The following L3MBTL4 variants were observed in gnomAD, a reference collection of about 807,000 sequenced individuals.
L3MBTL4 encodes the protein L3MBTL histone methyl-lysine binding protein 4, also known as lethal(3)malignant brain tumor-like protein 4.
In L3MBTL4, 70 loss-of-function variants were observed where a neutral mutation model predicts 84.5. The ratio of observed to expected loss-of-function variants is 0.83; its 90% CI spans 0.68 to 1.01. The LOEUF is 1.01. Ranked by LOEUF, L3MBTL4 falls within the 50% of genes least tolerant of loss-of-function variation. The pLI is 0.00. For missense variants in L3MBTL4, 715 were observed against 754.8 expected (o/e 0.95, Z 0.62); for synonymous variants, 274 against 259.8 (o/e 1.05, Z -0.52).
chr18:6,030,949 A>C, intron 16 of L3MBTL4: 1 of 984,854 alleles, frequency 1.0e-6, no homozygotes, highest in Non-Finnish European at 1.2e-6. Context: ...GTTATGAAAT[A>C]CTCAATGAAC....
chr18:5,982,948 C>T (rs1432059530), intron 16 of L3MBTL4, among the ~76,000 whole-genome samples: 1 of 152,132 alleles, frequency 6.6e-6, no homozygotes, highest in Admixed American at 6.5e-5. Flanking sequence ...TCAGAAATGC[C>T]AGTAACAACC....
chr18:5,968,306 AC>A (rs2144775466), intron 17 of L3MBTL4, among the ~76,000 whole-genome samples: 1 of 152,352 alleles, frequency 6.6e-6, no homozygotes, highest in African/African-American at 2.4e-5. Flanking sequence ...CAAAGGAATT[AC>A]AGGTAAGTGG....
intron 14 of L3MBTL4, 39 bp from the exon 15 acceptor site, chr18:6,093,567 C>A (rs770669047): frequency 1.3e-6 from 2 of 1,536,194 alleles, no homozygotes; most frequent in African/African-American, 1.4e-5. Flanking sequence ...CATCAGTATA[C>A]AGTGATAAAT....
rs1246711098 is a variant in L3MBTL4 at position 6,311,572 on chromosome 18, C to T, written c.54G>A (p.Leu18=). 5 of 1,613,312 alleles carry T rather than the reference C, an allele frequency of 3.1e-6. No homozygotes were observed. In the African/African-American group the frequency reaches 4.0e-5, roughly 13 times the overall value. ...ATCTTACCAAGCGTCCGTCCTGATC[C>T]AAACGCTCTTTGGAATCCATATTAA... ...RKLNMDSKER[L]DQDGRLEQAE... The change falls in exon 3 of 19, where the codon TTG becomes TTA. Residue 18 remains leucine, a synonymous_variant. Coordinates refer to ENST00000317931, the MANE Select transcript of L3MBTL4 (RefSeq NM_001330559.2).
At chr18:6,037,875 T>C (rs1355237182) in intron 16 of L3MBTL4, among the ~76,000 whole-genome samples, 2 of 152,210 alleles carry the variant, frequency 1.3e-5, no homozygotes, top group East Asian at 1.9e-4. Flanking sequence ...TTGGCTAATG[T>C]ATTAAAGTGC....
chr18:5,983,442 T>C (rs1236732724), intron 16 of L3MBTL4, among the ~76,000 whole-genome samples: 1 of 152,068 alleles, frequency 6.6e-6, no homozygotes, highest in East Asian at 1.9e-4. Flanking sequence ...ACACAACCCT[T>C]TTCTTAATTA....
At chr18:6,160,174 AGAGT>A (rs2043265474) in intron 13 of L3MBTL4, among the ~76,000 whole-genome samples, 1 of 152,230 alleles carries the variant, frequency 6.6e-6, no homozygotes, top group African/African-American at 2.4e-5. Flanking sequence ...GAGGTTCCAC[AGAGT>A]GAGGAGCAAG....
intron 5 of L3MBTL4, among the ~76,000 whole-genome samples, chr18:6,255,698 T>C (rs1232442832): frequency 6.6e-6 from 1 of 151,600 alleles, no homozygotes; most frequent in Non-Finnish European, 1.5e-5. Flanking sequence ...TTTCAAAAAA[T>C]GCTTTTTTTC....
chr18:6,134,259 C>A (rs2059962732), intron 14 of L3MBTL4, among the ~76,000 whole-genome samples: 1 of 152,144 alleles, frequency 6.6e-6, no homozygotes, highest in Non-Finnish European at 1.5e-5. Flanking sequence ...GTCCTTCCCA[C>A]AACACTCGGG....
intron 14 of L3MBTL4, among the ~76,000 whole-genome samples, chr18:6,108,738 C>T (rs928191071): frequency 2.0e-5 from 3 of 152,142 alleles, no homozygotes; most frequent in African/African-American, 7.2e-5. Flanking sequence ...GTACATGTGG[C>T]TCTCCACATC....
intron 12 of L3MBTL4, among the ~76,000 whole-genome samples, chr18:6,196,182 G>A (rs2045373457): frequency 1.7e-5 from 2 of 116,152 alleles, no homozygotes; most frequent in African/African-American, 5.3e-5. Flanking sequence ...TTTTGAGACT[G>A]AGTCTCGCTC....
chr18:6,152,745 A>G (rs1361823053), intron 13 of L3MBTL4, among the ~76,000 whole-genome samples: 1 of 152,086 alleles, frequency 6.6e-6, no homozygotes, highest in Non-Finnish European at 1.5e-5. Flanking sequence ...CAGAAGCTTT[A>G]TAATTTGATG....
chr18:6,358,908 G>A (rs973352830), intron 1 of L3MBTL4, among the ~76,000 whole-genome samples: 4 of 152,156 alleles, frequency 2.6e-5, no homozygotes, highest in African/African-American at 9.7e-5. Context: ...GTCTATTTCT[G>A]CATTGTTCCA....
intron 5 of L3MBTL4, among the ~76,000 whole-genome samples, chr18:6,248,227 G>A (rs2047769378): frequency 6.6e-6 from 1 of 152,052 alleles, no homozygotes; most frequent in South Asian, 2.1e-4. Context: ...TACAGTTTCA[G>A]AACTGTTTTA....
intron 16 of L3MBTL4, among the ~76,000 whole-genome samples, chr18:5,974,051 G>GA (rs1466941407): frequency 5.3e-5 from 8 of 152,300 alleles, no homozygotes; most frequent in African/African-American, 1.9e-4. Flanking sequence ...TTACGTGTAG[G>GA]ATGCCTTCTC....
intron 14 of L3MBTL4, among the ~76,000 whole-genome samples, chr18:6,116,975 C>T (rs1052564816): frequency 1.3e-5 from 2 of 152,176 alleles, no homozygotes; most frequent in African/African-American, 2.4e-5. Context: ...TTTGTGGGTT[C>T]CAGAACTTCC....
At chr18:6,037,486 A>G (rs1438867461) in intron 16 of L3MBTL4, among the ~76,000 whole-genome samples, 1 of 152,230 alleles carries the variant, frequency 6.6e-6, no homozygotes, top group Non-Finnish European at 1.5e-5. Context: ...ATCTTCCAGA[A>G]TCTTCTCCCA....
chr18:6,301,843 A>G, intron 4 of L3MBTL4, 60 bp downstream of exon 4: 1 of 1,230,100 alleles, frequency 8.1e-7, no homozygotes, highest in Non-Finnish European at 1.2e-6. Flanking sequence ...GCAATCTAAT[A>G]AAAATTCACT....
At chr18:6,405,326 C>A (rs1285448339) in intron 1 of L3MBTL4, among the ~76,000 whole-genome samples, 1 of 152,216 alleles carries the variant, frequency 6.6e-6, no homozygotes, top group Admixed American at 6.5e-5. Flanking sequence ...AACACATGGT[C>A]TCTGGAGGGA....
Sources: allele counts gnomAD v4.1 joint callset (sites outside exome capture counted in the v4.1 genomes callset), GRCh38; gene constraint gnomAD v4.1.1; transcripts MANE v1.5; gene names NCBI Gene and HGNC (gene_info 2026-07-23, HGNC 2026-07-21).